The following FKBP7 variants were observed in gnomAD, a reference collection of about 807,000 sequenced individuals.
FKBP7 encodes peptidyl-prolyl cis-trans isomerase FKBP7.
Under a neutral mutation model 24.3 loss-of-function variants are expected in FKBP7, and 24 were observed. The ratio of observed to expected loss-of-function variants is 0.99; its 90% CI spans 0.72 to 1.39. The LOEUF is 1.39. FKBP7 is among the 40% of genes most tolerant of loss of function. The pLI, the probability that FKBP7 is intolerant of heterozygous loss-of-function variation, is 0.00. For synonymous variants in FKBP7, 98 were observed against 92.8 expected, an observed-to-expected ratio of 1.06 and a Z score of -0.32; for missense variants, 257 against 269.5, an observed-to-expected ratio of 0.95 and a Z score of 0.33.
intron 2 of FKBP7, among the ~76,000 whole-genome samples, chr2:178,470,262 C>T (rs1364030111): frequency 6.6e-6 from 1 of 152,136 alleles, no homozygotes; most frequent in African/African-American, 2.4e-5. Context: ...TACAATATAA[C>T]AATCTTTTAC....
chr2:178,469,407 T>C (rs1684784790), intron 3 of FKBP7, among the ~76,000 whole-genome samples: 2 of 152,088 alleles, frequency 1.3e-5, no homozygotes. Flanking sequence ...TAGAGACAAA[T>C]AATTCGGGAT....
intron 2 of FKBP7, chr2:178,473,130 C>A: frequency 1.5e-6 from 2 of 1,291,578 alleles, no homozygotes. Flanking sequence ...AGAAAGACTT[C>A]TTCAAGTACT....
chr2:178,466,342 C>A (rs1684657388), intron 3 of FKBP7, among the ~76,000 whole-genome samples: 1 of 152,094 alleles, frequency 6.6e-6, no homozygotes, highest in Non-Finnish European at 1.5e-5. Context: ...TAAAACACAA[C>A]CATGGGGTTT....
chr2:178,469,822 A>G (rs746389464), intron 2 of FKBP7, 37 bp from the exon 3 acceptor site: 1 of 1,574,364 alleles, frequency 6.4e-7, no homozygotes, highest in African/African-American at 1.4e-5. Flanking sequence ...ACTTATGTAA[A>G]GATATAGTTC....
At position 178,478,301 on chromosome 2, in the gene FKBP7, C is replaced by G; in HGVS notation, c.199G>C (p.Asp67His). The change falls in exon 1 of 4, where the codon GAC becomes CAC. Residue 67 changes from aspartate to histidine, a missense_variant. Asp to His is a moderately conservative substitution (Grantham distance 81, BLOSUM62 -1). Coordinates refer to ENST00000424785, the MANE Select transcript of FKBP7 (RefSeq NM_181342.3). Reference sequence around the variant, plus strand: ...TACCTGCAGTAGAATTTCGAGCCGTCTTTAGCCAGGTAGCCGTCATAATGG... The same window carrying G: ...TACCTGCAGTAGAATTTCGAGCCGTGTTTAGCCAGGTAGCCGTCATAATGG... ...NAHYDGYLAK[D>H]GSKFYCSRTQ... The G allele has an allele frequency of 6.2e-7, 1 of 1,614,134 alleles. No individual in the cohort carries two copies.
At chr2:178,476,634 A>C (rs575392235) in intron 2 of FKBP7, among the ~76,000 whole-genome samples, 1 of 152,034 alleles carries the variant, frequency 6.6e-6, no homozygotes, top group African/African-American at 2.4e-5. Flanking sequence ...TTCATTTAGC[A>C]TAATGTCCTC....
intron 3 of FKBP7, among the ~76,000 whole-genome samples, chr2:178,466,288 C>A (rs1421355952): frequency 6.6e-6 from 1 of 152,134 alleles, no homozygotes; most frequent in Non-Finnish European, 1.5e-5. Flanking sequence ...ACCCAATTGG[C>A]ATTTCTATAA....
intron 3 of FKBP7, 24 bp downstream of exon 3, chr2:178,469,628 A>T (rs762711111): frequency 1.2e-6 from 2 of 1,612,580 alleles, no homozygotes; most frequent in Non-Finnish European, 1.7e-6. Flanking sequence ...ATTAGACTAT[A>T]CACATGAAAT....
intron 2 of FKBP7, among the ~76,000 whole-genome samples, chr2:178,473,724 A>T (rs1019155168): frequency 6.6e-6 from 1 of 152,244 alleles, no homozygotes; most frequent in Non-Finnish European, 1.5e-5. Context: ...TTTGAAAATG[A>T]GAAAGAGACT....
At chr2:178,476,350 T>C (rs1018769036) in intron 2 of FKBP7, among the ~76,000 whole-genome samples, 1 of 152,244 alleles carries the variant, frequency 6.6e-6, no homozygotes, top group African/African-American at 2.4e-5. Context: ...TTGTTTTTAA[T>C]TGTGGTAAAA....
chr2:178,468,513 G>T (rs1193905854), intron 3 of FKBP7, among the ~76,000 whole-genome samples: 1 of 151,898 alleles, frequency 6.6e-6, no homozygotes, highest in Non-Finnish European at 1.5e-5. Flanking sequence ...AATTAGCTGG[G>T]TATGGTGGCA....
rs909908482 is a variant in FKBP7, at chr2:178,469,572, A to C, written c.507+80T>G. ...TCAGAGCCCATGCTAGCTAGACCTAAAAAGTAATAGTTGTAACACAGATGT... is the reference window on the plus strand; with the variant it reads ...TCAGAGCCCATGCTAGCTAGACCTACAAAGTAATAGTTGTAACACAGATGT... On this transcript the variant is annotated intron_variant, in intron 3 of 3. Coordinates refer to ENST00000424785, the MANE Select transcript of FKBP7 (RefSeq NM_181342.3). The C allele has an allele frequency of 6.1e-6, 9 of 1,477,252 alleles. No homozygotes were observed. In the African/African-American group the frequency reaches 1.3e-4, roughly 21 times the overall value. 91.5% of individuals were successfully genotyped at this position (1,477,252 alleles called of 1,614,324 possible).
intron 2 of FKBP7, among the ~76,000 whole-genome samples, chr2:178,470,071 G>A (rs1001325662): frequency 6.6e-6 from 1 of 150,432 alleles, no homozygotes; most frequent in South Asian, 2.1e-4. Flanking sequence ...ACTATTTCTT[G>A]ATTAATTTAA....
chr2:178,466,006 T>C (rs975312487), intron 3 of FKBP7, 75 bp from the exon 4 acceptor site: 107 of 1,276,820 alleles, frequency 8.4e-5, no homozygotes, highest in Non-Finnish European at 1.1e-4. Context: ...GGAATAGTTA[T>C]AATAATGAAA....
intron 1 of FKBP7, among the ~76,000 whole-genome samples, chr2:178,477,554 T>C (rs142673818): frequency 9.9e-5 from 15 of 152,152 alleles, no homozygotes; most frequent in African/African-American, 3.1e-4. Context: ...AAAAAAATGA[T>C]AGGGCAGTTT....
intron 2 of FKBP7, chr2:178,473,217 T>G (rs1684904877): frequency 1.7e-6 from 1 of 592,104 alleles, no homozygotes; most frequent in Non-Finnish European, 2.9e-6. Context: ...CAAGAGGTTG[T>G]TTGTTAAACA....
chr2:178,471,211 A>ATTTT (rs759186080), intron 2 of FKBP7, among the ~76,000 whole-genome samples: 5 of 129,920 alleles, frequency 3.8e-5, no homozygotes, highest in Admixed American at 3.2e-4. Context: ...GATGTCACAG[A>ATTTT]TTTTTTTTTT....
intron 2 of FKBP7, among the ~76,000 whole-genome samples, chr2:178,473,646 G>T (rs1054231312): frequency 3.9e-5 from 6 of 152,234 alleles, no homozygotes; most frequent in African/African-American, 1.4e-4. Context: ...AGATAGGAGA[G>T]TGGGTGCTCT....
intron 3 of FKBP7, 67 bp downstream of exon 3, chr2:178,469,585 G>T: frequency 6.5e-7 from 1 of 1,527,054 alleles, no homozygotes; most frequent in Non-Finnish European, 9.0e-7. Flanking sequence ...AGTAATAGTT[G>T]TAACACAGAT....
Sources: gnomAD v4.1 joint callset for allele counts (sites outside exome capture counted in the v4.1 genomes callset) on GRCh38, gnomAD v4.1.1 for gene constraint, MANE v1.5 for transcripts, NCBI Gene and HGNC (gene_info 2026-07-23, HGNC 2026-07-21) for gene names.